The following ANKS1B variants were observed in gnomAD, a reference collection of about 807,000 sequenced individuals.
ANKS1B encodes the protein ankyrin repeat and sterile alpha motif domain-containing protein 1B.
In ANKS1B, 36 loss-of-function variants were observed where a neutral mutation model predicts 148.3. The observed-to-expected ratio is 0.24, with a 90% CI of 0.19 to 0.32. ANKS1B has a LOEUF of 0.32. Ranked by LOEUF, ANKS1B falls within the 10% of genes least tolerant of loss-of-function variation. The pLI is 1.00. For synonymous variants in ANKS1B, 542 were observed against 560.8 expected, an observed-to-expected ratio of 0.97 and a Z score of 0.47; for missense variants, 1,157 against 1,542.6, an observed-to-expected ratio of 0.75 and a Z score of 4.19.
intron 12 of ANKS1B, among the ~76,000 whole-genome samples, chr12:99,304,949 T>C (rs2082149436): frequency 6.6e-6 from 1 of 152,178 alleles, no homozygotes; most frequent in Middle Eastern, 3.4e-3. Flanking sequence ...GGGTAATTTA[T>C]AAGGAAAAGA....
chr12:99,248,110 T>C (rs2074100851), intron 12 of ANKS1B, among the ~76,000 whole-genome samples: 2 of 152,008 alleles, frequency 1.3e-5, no homozygotes. Flanking sequence ...TAATAATAAT[T>C]ATGATTTTGT....
At chr12:98,816,022 C>T (rs749868847) in intron 19 of ANKS1B, among the ~76,000 whole-genome samples, 1 of 151,986 alleles carries the variant, frequency 6.6e-6, no homozygotes, top group Non-Finnish European at 1.5e-5. Flanking sequence ...ACTGCTCTAC[C>T]TCCCTACCCT....
chr12:99,872,285 G>A (rs1239572401), intron 1 of ANKS1B, among the ~76,000 whole-genome samples: 1 of 152,076 alleles, frequency 6.6e-6, no homozygotes, highest in Non-Finnish European at 1.5e-5. Context: ...AAAGAAGCAT[G>A]AGGGTGTTTC....
At chr12:99,400,957 C>A (rs1257071306) in intron 11 of ANKS1B, among the ~76,000 whole-genome samples, 2 of 145,214 alleles carry the variant, frequency 1.4e-5, no homozygotes, top group East Asian at 1.9e-4. Context: ...CTAAAATAGA[C>A]AATCATATGG....
intron 4 of ANKS1B, among the ~76,000 whole-genome samples, chr12:99,782,615 T>A (rs2064472293): frequency 6.6e-6 from 1 of 152,186 alleles, no homozygotes; most frequent in African/African-American, 2.4e-5. Context: ...TCACCTTCTC[T>A]TAGCTTTAGC....
intron 24 of ANKS1B, among the ~76,000 whole-genome samples, chr12:98,777,249 T>C (rs1266473217): frequency 6.6e-6 from 1 of 152,154 alleles, no homozygotes; most frequent in Non-Finnish European, 1.5e-5. Context: ...TTTAGGCAAA[T>C]GTTCCAAAGT....
rs911300420 is a variant in ANKS1B at position 99,536,083 on chromosome 12, C to T, written c.1273-31442G>A. Among the ~76,000 whole-genome samples the T allele has an allele frequency of 2.6e-5, 4 of 152,154 alleles. No homozygotes were observed. The East Asian group carries it at 7.7e-4, about 29-fold the overall frequency. ...TGTATGCAGCAGCTCCCTGGAAAAG[C>T]TCCATTTATAGGACATGTCTTTATT... On this transcript the variant is annotated intron_variant, in intron 9 of 26. Coordinates refer to ENST00000683438, the MANE Select transcript of ANKS1B (RefSeq NM_001352186.2).
At chr12:99,241,963 G>A (rs536960908) in intron 14 of ANKS1B, among the ~76,000 whole-genome samples, 1 of 152,124 alleles carries the variant, frequency 6.6e-6, no homozygotes, top group Non-Finnish European at 1.5e-5. Context: ...GCAAAAACTG[G>A]AAGCATTCCC....
intron 15 of ANKS1B, among the ~76,000 whole-genome samples, chr12:99,150,523 G>T (rs910853244): frequency 1.3e-5 from 2 of 152,018 alleles, no homozygotes; most frequent in Non-Finnish European, 2.9e-5. Flanking sequence ...GGGAAGGAAA[G>T]GAAATGTCTG....
rs778112018 is a variant in ANKS1B, at chr12:99,399,614, A to G, written c.1756+17T>C. 13 of 1,609,016 alleles carry G rather than the reference A, an allele frequency of 8.1e-6. No homozygotes were observed. Among genetic ancestry groups the G allele is most frequent in the Non-Finnish European group, 1.1e-5 (13 of 1,177,256 alleles). ...TCTTAAAATAAAAATACAGCTGCATAAAGTGAACTGCTTTACCTGTATGGT... is the reference window on the plus strand; with the variant it reads ...TCTTAAAATAAAAATACAGCTGCATGAAGTGAACTGCTTTACCTGTATGGT... On this transcript the variant is annotated intron_variant, in intron 12 of 26. Coordinates refer to ENST00000683438, the MANE Select transcript of ANKS1B (RefSeq NM_001352186.2).
intron 12 of ANKS1B, among the ~76,000 whole-genome samples, chr12:99,284,705 A>T (rs1332977028): frequency 1.3e-5 from 2 of 152,110 alleles, no homozygotes; most frequent in Non-Finnish European, 2.9e-5. Context: ...ACTAAAATGT[A>T]AATCAAATCA....
Position 99,784,098 on chromosome 12 carries a change from C to A in ANKS1B, c.670-2001G>T, listed in dbSNP as rs183867458. 7.4e-4 allele frequency among the ~76,000 whole-genome samples: 113 copies of A among 152,014 alleles called. 1 individual carries two copies. The highest frequency in any genetic ancestry group is 2.6e-3 in the African/African-American group (109 of 41,478). On this transcript the variant is annotated intron_variant, in intron 4 of 26. Coordinates refer to ENST00000683438, the MANE Select transcript of ANKS1B (RefSeq NM_001352186.2). Reference sequence around the variant, plus strand: ...GATATTTTCTCCCTGCTTTCCTCTCCGTCCCATCCTTTGCCCATCACAACC... The same window carrying A: ...GATATTTTCTCCCTGCTTTCCTCTCAGTCCCATCCTTTGCCCATCACAACC...
intron 17 of ANKS1B, among the ~76,000 whole-genome samples, chr12:98,993,405 G>A (rs561864368): frequency 1.5e-3 from 234 of 152,322 alleles, no homozygotes; most frequent in Non-Finnish European, 2.0e-3. Flanking sequence ...CTGGCCTCAA[G>A]TGATCCGCCC....
chr12:99,033,322 T>C (rs2099953463), intron 17 of ANKS1B, among the ~76,000 whole-genome samples: 1 of 152,220 alleles, frequency 6.6e-6, no homozygotes, highest in African/African-American at 2.4e-5. Flanking sequence ...TTTAAGTGTG[T>C]AAGTAGTTGC....
chr12:98,943,070 C>T (rs1016910387), intron 17 of ANKS1B, among the ~76,000 whole-genome samples: 3 of 152,154 alleles, frequency 2.0e-5, no homozygotes, highest in Non-Finnish European at 4.4e-5. Flanking sequence ...AATACAATTC[C>T]TGTTTCCTTT....
At chr12:98,743,439 A>AC (rs369662384), downstream of ANKS1B, among the ~76,000 whole-genome samples, 724 of 151,746 alleles carry the variant, frequency 4.8e-3, 2 homozygotes, top group African/African-American at 9.4e-3. Flanking sequence ...GCATTCAATG[A>AC]CCCCCCCTGC....
intron 17 of ANKS1B, among the ~76,000 whole-genome samples, chr12:99,000,024 A>G (rs2099931950): frequency 6.6e-6 from 1 of 152,150 alleles, no homozygotes. Flanking sequence ...ATAAAGCCCA[A>G]TCCCTCTTCT....
chr12:99,494,718 G>A (rs1319393514), intron 10 of ANKS1B, among the ~76,000 whole-genome samples: 1 of 128,764 alleles, frequency 7.8e-6, no homozygotes, highest in Admixed American at 8.3e-5. Context: ...AGGTGACAGA[G>A]GGACACTCTG....
chr12:98,889,841 G>A (rs1729088359), intron 17 of ANKS1B, among the ~76,000 whole-genome samples: 1 of 152,188 alleles, frequency 6.6e-6, no homozygotes, highest in Non-Finnish European at 1.5e-5. Context: ...ACTGCAACAG[G>A]TGGTATGTTT....
Sources: allele counts gnomAD v4.1 joint callset (sites outside exome capture counted in the v4.1 genomes callset), GRCh38; gene constraint gnomAD v4.1.1; transcripts MANE v1.5; gene names NCBI Gene and HGNC (gene_info 2026-07-23, HGNC 2026-07-21).